The following ATR variants were observed in gnomAD, a reference collection of about 807,000 sequenced individuals.
ATR encodes the protein serine/threonine-protein kinase ATR.
Under a neutral mutation model 305.3 loss-of-function variants are expected in ATR, and 142 were observed. The ratio of observed to expected loss-of-function variants is 0.47; its 90% CI spans 0.41 to 0.53. The LOEUF (loss-of-function observed/expected upper bound fraction) is 0.53. Ranked by LOEUF, ATR falls within the 20% of genes least tolerant of loss-of-function variation. The pLI is 0.00. For missense variants in ATR, 2,135 were observed against 3,133.1 expected (o/e 0.68, Z 7.60); for synonymous variants, 1,050 against 1,068.1 (o/e 0.98, Z 0.33).
At chr3:142,514,744 CTT>C (rs982177015) in intron 25 of ATR, among the ~76,000 whole-genome samples, 4 of 140,450 alleles carry the variant, frequency 2.8e-5, no homozygotes, top group African/African-American at 1.1e-4. Context: ...TAGGCGGAGA[CTT>C]ACAGTGAGCC....
At chr3:142,552,669 C>CA (rs143475912) in intron 13 of ATR, among the ~76,000 whole-genome samples, 59,314 of 93,046 alleles carry the variant, frequency 0.64, 17,672 homozygotes, top group African/African-American at 0.7. Context: ...TACTCCATCT[C>CA]AAAAAAAAAA....
At position 142,568,071 on chromosome 3, in the gene ATR, A is replaced by G; in HGVS notation, c.143T>C (p.Val48Ala). 6.2e-7 allele frequency: 1 copy of G among 1,605,474 alleles called. No individual in the cohort carries two copies. Among genetic ancestry groups the G allele is most frequent in the Non-Finnish European group, 8.5e-7 (1 of 1,174,486 alleles). ...AATAATTGGTTTCTTACCAACATTT[A>G]CATCTGTAAGTATCCGGTCAATGAA... Reference protein sequence around the residue: ...CQFIDRILTDVNVVAVELVKK... With the variant: ...CQFIDRILTDANVVAVELVKK... The change falls in exon 2 of 47, where the codon GTA becomes GCA. Residue 48 changes from valine to alanine, a missense_variant. Val to Ala is a moderately conservative substitution (Grantham distance 64). Transcript: ENST00000350721.
At chr3:142,496,323 T>TGACATTTCCCTGGCC (rs779351443) in intron 34 of ATR, 38 bp downstream of exon 34, 1 of 308,968 alleles carries the variant, frequency 3.2e-6, no homozygotes, top group Non-Finnish European at 5.9e-6. Context: ...TATATATATA[T>TGACATTTCCCTGGCC]ATATATATAT....
chr3:142,545,807 C>G (rs1160195063), intron 16 of ATR, among the ~76,000 whole-genome samples: 5 of 151,980 alleles, frequency 3.3e-5, no homozygotes, highest in Admixed American at 1.3e-4. Context: ...GGAGGGCTCA[C>G]GAATGCTTCT....
rs1251839079 is a variant in ATR, at chr3:142,449,300, CAG to C, written c.*127_*128del. On this transcript the variant is annotated 3_prime_UTR_variant, in exon 47 of 47. Coordinates refer to ENST00000350721, the MANE Select transcript of ATR (RefSeq NM_001184.4). ...TATTATTTTACATATAATTAATGAT[CAG>C]AGAGAAATAACAGTTGCTGAGAACG... The C allele has an allele frequency of 1.2e-6, 1 of 801,182 alleles. No homozygotes were observed. The highest frequency in any genetic ancestry group is 2.0e-6 in the Non-Finnish European group (1 of 501,620). The allele number at this position is 801,182 out of a possible 1,614,324, so 49.6% of individuals were successfully genotyped here.
chr3:142,540,172 G>A (rs949771816), intron 18 of ATR, among the ~76,000 whole-genome samples: 3 of 152,218 alleles, frequency 2.0e-5, no homozygotes, highest in South Asian at 2.1e-4. Context: ...TTAGCTATTC[G>A]CCAAATCCAA....
At chr3:142,572,494 C>T (rs1420348115) in intron 1 of ATR, among the ~76,000 whole-genome samples, 2 of 145,424 alleles carry the variant, frequency 1.4e-5, no homozygotes, top group African/African-American at 2.5e-5. Flanking sequence ...TGATACTGGT[C>T]GGGCATGGTA....
intron 8 of ATR, among the ~76,000 whole-genome samples, chr3:142,556,895 A>C (rs933287419): frequency 2.0e-5 from 3 of 152,160 alleles, no homozygotes; most frequent in African/African-American, 7.2e-5. Context: ...AGATAGCAAA[A>C]ATTTTAAAGT....
chr3:142,505,369 A>T (rs1014823504), intron 28 of ATR, 66 bp from the exon 29 acceptor site: 1 of 1,582,230 alleles, frequency 6.3e-7, no homozygotes, highest in Non-Finnish European at 8.6e-7. Flanking sequence ...AAAACTATAA[A>T]ACCACCTGTT....
At chr3:142,453,875 G>A (rs1025669715) in intron 45 of ATR, among the ~76,000 whole-genome samples, 1 of 152,116 alleles carries the variant, frequency 6.6e-6, no homozygotes, top group Admixed American at 6.5e-5. Flanking sequence ...CTACGGCCGT[G>A]ACACTATCCA....
In ATR at chr3:142,550,146, T is replaced by C; in HGVS notation, c.2962A>G (p.Asn988Asp). Residue 988 changes from asparagine (N) to aspartate (D), a missense_variant, in exon 14 of 47, where the codon AAT becomes GAT. By Grantham distance (23) the Asn-to-Asp change is conservative. Around this residue, in one of 9 missense-constraint regions of ATR, gnomAD observed 530 missense variants for 766.8 expected, o/e 0.69. Coordinates refer to ENST00000350721, the MANE Select transcript of ATR (RefSeq NM_001184.4). ...TTGCAACTTACAGTAAGAAAACGAT[T>C]AAGATCAGGAAAGTCGAAAACGTTG... ...IANVFDFPDL[N>D]RFLTRTLQVL... 1.2e-6 allele frequency: 2 copies of C among 1,614,108 alleles called. No homozygotes were observed. Among genetic ancestry groups the C allele is most frequent in the Non-Finnish European group, 1.7e-6 (2 of 1,180,004 alleles).
chr3:142,504,062 T>C (rs2032112646), intron 29 of ATR, among the ~76,000 whole-genome samples: 2 of 152,344 alleles, frequency 1.3e-5, no homozygotes, highest in South Asian at 2.1e-4. Flanking sequence ...ATAAAGAATT[T>C]ATATATTGTG....
At position 142,512,434 on chromosome 3, in the gene ATR, C is replaced by T. The variant is rs756354361; in HGVS notation, c.4678G>A (p.Asp1560Asn). 8 of 1,613,192 alleles carry T rather than the reference C, an allele frequency of 5.0e-6. No homozygotes were observed. Among genetic ancestry groups the T allele is most frequent in the Non-Finnish European group, 5.9e-6 (7 of 1,179,534 alleles). ...TCTTGGGTATTTATGGTATGCTGAT[C>T]GTCATGCTTTAGAACTGCCATAATT... is the stretch of plus-strand genomic sequence containing the variant. ...AEIMAVLKHD[D>N]QHTINTQDIA... The change falls in exon 27 of 47, where the codon GAT becomes AAT. Residue 1560 changes from aspartate to asparagine, a missense_variant. Asp to Asn is a conservative substitution (Grantham distance 23, BLOSUM62 1). Coordinates refer to ENST00000350721, the MANE Select transcript of ATR (RefSeq NM_001184.4).
intron 35 of ATR, among the ~76,000 whole-genome samples, chr3:142,489,387 C>G (rs2031145521): frequency 6.6e-6 from 1 of 152,112 alleles, no homozygotes. Flanking sequence ...CATATACACC[C>G]ATGGAACCAT....
rs550530464 is a variant in ATR at position 142,562,897 on chromosome 3, C to A, written c.505G>T (p.Val169Leu). The change falls in exon 4 of 47, where the codon GTG becomes TTG. Residue 169 changes from valine to leucine, a missense_variant. By Grantham distance (32) the Val-to-Leu change is conservative. Around this residue, in one of 9 missense-constraint regions of ATR, gnomAD observed 744 missense variants for 873.2 expected, o/e 0.85. Coordinates refer to ENST00000350721, the MANE Select transcript of ATR (RefSeq NM_001184.4). Reference protein sequence around the residue: ...LHRRNVMGHAVEWPVVMSRFL... With the variant: ...LHRRNVMGHALEWPVVMSRFL... ...CGGCTCATGACCACTGGCCATTCCA[C>A]AGCATGACCCATCACATTTCTTCTA... 1 of 1,613,496 alleles carries A rather than the reference C, an allele frequency of 6.2e-7. No homozygotes were observed. Among genetic ancestry groups the A allele is most frequent in the Non-Finnish European group, 8.5e-7 (1 of 1,179,848 alleles).
intron 16 of ATR, among the ~76,000 whole-genome samples, chr3:142,544,452 CAAAAAAAAAAAAAAAA>C (rs57120276): frequency 1.9e-3 from 37 of 18,978 alleles, no homozygotes; most frequent in South Asian, 4.7e-3. Flanking sequence ...ATCCTGCCTC[CAAAAAAAAAAAAAAAA>C]AAAAAAAAAA....
At chr3:142,540,430 A>G (rs2034009652) in intron 18 of ATR, among the ~76,000 whole-genome samples, 2 of 152,198 alleles carry the variant, frequency 1.3e-5, no homozygotes, top group African/African-American at 4.8e-5. Context: ...AATACCTTTG[A>G]GACAACTGGA....
In ATR at chr3:142,558,767, G is replaced by A. The variant is rs983647070; in HGVS notation, c.1742C>T (p.Ser581Leu). The A allele has an allele frequency of 6.2e-7, 1 of 1,607,588 alleles. No individual in the cohort carries two copies. The highest frequency in any genetic ancestry group is 1.3e-5 in the African/African-American group (1 of 74,812). Residue 581 changes from serine to leucine, a missense_variant, in exon 8 of 47, where the codon TCA (serine) becomes TTA (leucine). Physicochemically the swap from Ser to Leu is moderately radical, Grantham distance 145 (BLOSUM62 -2). Around this residue, in one of 9 missense-constraint regions of ATR, gnomAD observed 744 missense variants for 873.2 expected, o/e 0.85. Transcript: ENST00000350721. ...ATCTTCCAGGATATGATCTTCAAAT[G>A]AACTGTTTACTACAGAAGCACAAAA... The part of the protein sequence containing the change: ...DALIYMQVNS[S>L]FEDHILEDLC...
At position 142,578,577 on chromosome 3, in the gene ATR, G is replaced by A. The variant is rs373181173; in HGVS notation, c.59+69C>T. 1.8e-3 allele frequency: 2,789 copies of A among 1,522,656 alleles called. 4 individuals carry two copies. The highest frequency in any genetic ancestry group is 2.4e-3 in the Non-Finnish European group (2,689 of 1,114,374). The allele number at this position is 1,522,656 out of a possible 1,614,324, so 94.3% of individuals were successfully genotyped here. A position where few individuals can be genotyped will look rare whatever the true frequency, so the allele number is the denominator to read the frequency against. On this transcript the variant is annotated intron_variant, in intron 1 of 46. Transcript: ENST00000350721. ...CCAGCCATAGCGCAGCAGGGGAGGGGAGAGCACGTGAAACCCAAGCCGGAA... is the reference window on the plus strand; with the variant it reads ...CCAGCCATAGCGCAGCAGGGGAGGGAAGAGCACGTGAAACCCAAGCCGGAA...
Sources: gnomAD v4.1 joint callset for allele counts (sites outside exome capture counted in the v4.1 genomes callset) on GRCh38, gnomAD v4.1.1 for gene constraint, gnomAD v4.1.1 regional missense constraint, MANE v1.5 for transcripts, NCBI Gene and HGNC (gene_info 2026-07-23, HGNC 2026-07-21) for gene names.